Variants in SHKBP1 observed in about 807,000 individuals in gnomAD.
SHKBP1 encodes the protein SH3KBP1-binding protein 1.
Under a neutral mutation model 83.9 loss-of-function variants are expected in SHKBP1, and 71 were observed. The ratio of observed to expected loss-of-function variants is 0.85; its 90% CI spans 0.70 to 1.03. The LOEUF (loss-of-function observed/expected upper bound fraction) is 1.03. Ranked by LOEUF, SHKBP1 falls within the 50% of genes least tolerant of loss-of-function variation. The probability of loss-of-function intolerance (pLI) is 0.00; values close to 1 mark genes in which losing one functional copy is unlikely to be tolerated. For missense variants in SHKBP1, 824 were observed against 982.4 expected, an observed-to-expected ratio of 0.84 and a Z score of 2.16; for synonymous variants, 371 against 398.0, an observed-to-expected ratio of 0.93 and a Z score of 0.81.
At chr19:40,586,641 A>T in intron 12 of SHKBP1, 133 bp from the exon 13 acceptor site, 1 of 887,384 alleles carries the variant, frequency 1.1e-6, no homozygotes, top group Non-Finnish European at 1.6e-6. Flanking sequence ...TGATGGGATT[A>T]CGGCGTGAGC....
chr19:40,577,142 G>A, intron 1 of SHKBP1, 89 bp from the exon 2 acceptor site: 1 of 1,528,560 alleles, frequency 6.5e-7, no homozygotes, highest in East Asian at 2.3e-5. Flanking sequence ...GGAGGGGGAA[G>A]GGGAGGGAAC....
chr19:40,580,745 G>A lies in SHKBP1; in HGVS notation c.654-1G>A. ...TTGGTGATGTCCCCTCGATCCTACA[G>A]GTTGAAGGAAGCCTCTGGCTGGCAG... On this transcript the variant is annotated splice_acceptor_variant, in intron 8 of 17. Transcript: ENST00000291842. LOFTEE classifies it high-confidence loss of function. The A allele has an allele frequency of 6.2e-7, 1 of 1,611,780 alleles. No individual in the cohort carries two copies. The highest frequency in any genetic ancestry group is 8.5e-7 in the Non-Finnish European group (1 of 1,178,390).
intron 9 of SHKBP1, among the ~76,000 whole-genome samples, chr19:40,581,903 C>T (rs866603945): frequency 2.6e-5 from 4 of 151,292 alleles, no homozygotes; most frequent in Non-Finnish European, 5.9e-5. Context: ...TTTATCTTCT[C>T]TAATTCCTGC....
chr19:40,577,545 C>G lies in SHKBP1; in HGVS notation c.187-12C>G, dbSNP rs1219178909. 1.2e-6 allele frequency: 2 copies of G among 1,614,098 alleles called. No homozygotes were observed. Among genetic ancestry groups the G allele is most frequent in the East Asian group, 2.2e-5 (1 of 44,870 alleles). On this transcript the variant is annotated splice_polypyrimidine_tract_variant and intron_variant, in intron 3 of 17. Coordinates refer to ENST00000291842, the MANE Select transcript of SHKBP1 (RefSeq NM_138392.4). ...TTTTACCCCATCCATCCTCTGCCCC[C>G]CTTTCCCGCAGATCTTCATCGACAG...
At chr19:40,587,053 C>T in intron 13 of SHKBP1, 109 bp downstream of exon 13, 3 of 1,060,380 alleles carry the variant, frequency 2.8e-6, no homozygotes, top group Non-Finnish European at 4.1e-6. Flanking sequence ...AGGAAGAGAG[C>T]TCTGGCGGAG....
intron 12 of SHKBP1, chr19:40,585,571 ATCG>A (rs2081305514): frequency 1.6e-5 from 2 of 128,280 alleles, no homozygotes; most frequent in Non-Finnish European, 3.1e-5. Flanking sequence ...GAGACAGAGT[ATCG>A]CTCTGTCATT....
At chr19:40,584,825 G>A (rs930718561) in intron 12 of SHKBP1, among the ~76,000 whole-genome samples, 21 of 152,158 alleles carry the variant, frequency 1.4e-4, no homozygotes, top group African/African-American at 4.6e-4. Context: ...GTTACGCCAC[G>A]TTGGCCAGGC....
Position 40,577,644 on chromosome 19 carries a change from AAG to A in SHKBP1, c.260+15_260+16del. 6.2e-7 allele frequency: 1 copy of A among 1,614,000 alleles called. No homozygotes were observed. The highest frequency in any genetic ancestry group is 8.5e-7 in the Non-Finnish European group (1 of 1,179,918). ...GTTGGATCCCAGGTTGGCATGGAAAAAGGGGAGGGAGTCCCTCACTGTCTTCA... is the reference window on the plus strand; with the variant it reads ...GTTGGATCCCAGGTTGGCATGGAAAAGGGAGGGAGTCCCTCACTGTCTTCA... On this transcript the variant is annotated intron_variant, in intron 4 of 17. Coordinates refer to ENST00000291842, the MANE Select transcript of SHKBP1 (RefSeq NM_138392.4).
rs750514985 is a variant in SHKBP1 at position 40,590,723 on chromosome 19, C to T, written c.1769-7C>T. On this transcript the variant is annotated splice_polypyrimidine_tract_variant and splice_region_variant and intron_variant, in intron 16 of 17. Coordinates refer to ENST00000291842, the MANE Select transcript of SHKBP1 (RefSeq NM_138392.4). The surrounding 1 kb of genome is among the most constrained non-coding windows in gnomAD (Gnocchi z 4.6). ...TTGCCCCCTGACCCTGCTTCCGTGC[C>T]CCCCAGCAGGTGGCCTGACGGAGCA... is the stretch of plus-strand genomic sequence containing the variant. The T allele has an allele frequency of 1.3e-6, 2 of 1,579,072 alleles. No homozygotes were observed. The highest frequency in any genetic ancestry group is 1.7e-4 in the Middle Eastern group (1 of 5,896).
intron 6 of SHKBP1, among the ~76,000 whole-genome samples, chr19:40,579,187 A>C (rs1473415609): frequency 6.6e-6 from 1 of 152,060 alleles, no homozygotes; most frequent in African/African-American, 2.4e-5. Flanking sequence ...ATCTTGGCTC[A>C]CTGCAACCTC....
rs1378317704 is a variant in SHKBP1 at position 40,580,324 on chromosome 19, T to C, written c.401T>C (p.Val134Ala). The C allele has an allele frequency of 6.2e-6, 10 of 1,613,434 alleles. No individual in the cohort carries two copies. Among genetic ancestry groups the C allele is most frequent in the Non-Finnish European group, 8.5e-6 (10 of 1,179,552 alleles). ...VLFNGYLPPPVFPVKRRNRHS... is the reference protein window; with the variant it reads ...VLFNGYLPPPAFPVKRRNRHS... ...ACTCTACCTCTTATTCTCACTGTAG[T>C]GTTCCCAGTGAAGCGGCGGAACCGG... is the stretch of plus-strand genomic sequence containing the variant. Residue 134 changes from valine (V) to alanine (A), a missense_variant and splice_region_variant, in exon 7 of 18, where the codon GTG becomes GCG. Around this residue, in one of 3 missense-constraint regions of SHKBP1, gnomAD observed 355 missense variants for 386.4 expected, o/e 0.92. Coordinates refer to ENST00000291842, the MANE Select transcript of SHKBP1 (RefSeq NM_138392.4).
At chr19:40,581,632 G>A (rs1276887231) in intron 9 of SHKBP1, among the ~76,000 whole-genome samples, 1 of 152,096 alleles carries the variant, frequency 6.6e-6, no homozygotes, top group East Asian at 1.9e-4. Flanking sequence ...GATTGCTTGA[G>A]GCCAGGAGTT....
chr19:40,590,916 G>T lies in SHKBP1; in HGVS notation c.1893-60G>T. 1 of 1,570,540 alleles carries T rather than the reference G, an allele frequency of 6.4e-7. No individual in the cohort carries two copies. The highest frequency in any genetic ancestry group is 8.7e-7 in the Non-Finnish European group (1 of 1,150,096). On this transcript the variant is annotated intron_variant, in intron 17 of 17. Transcript: ENST00000291842. This position sits in a 1 kb window ranked among gnomAD's most constrained non-coding sequence, Gnocchi z 4.6. ...GGAGAGGGGACAGCATGGTGTTCCC[G>T]GGGACAGAGTGGCCCAGCTGCCCCG... is the stretch of plus-strand genomic sequence containing the variant.
intron 10 of SHKBP1, 104 bp from the exon 11 acceptor site, chr19:40,583,293 TG>T: frequency 1.1e-6 from 1 of 874,004 alleles, no homozygotes; most frequent in Non-Finnish European, 1.7e-6. Context: ...GAGCAGTGGG[TG>T]GGTTCTGGAG....
chr19:40,579,246 A>G (rs1159657914), intron 6 of SHKBP1, among the ~76,000 whole-genome samples: 1 of 152,112 alleles, frequency 6.6e-6, no homozygotes, highest in East Asian at 1.9e-4. Flanking sequence ...GCCACTGAGT[A>G]GCTGAGACTA....
rs974824953 is a variant in SHKBP1, at chr19:40,590,814, G to T, written c.1853G>T (p.Gly618Val). Reference protein sequence around the residue: ...APPAPSAPSWGCLPSPSPRIS... With the variant: ...APPAPSAPSWVCLPSPSPRIS... Reference sequence around the variant, plus strand: ...CCGGCTCCTTCAGCTCCCTCATGGGGCTGTCTCCCCAGCCCCTCACCCCGC... The same window carrying T: ...CCGGCTCCTTCAGCTCCCTCATGGGTCTGTCTCCCCAGCCCCTCACCCCGC... Residue 618 changes from glycine to valine, a missense_variant, in exon 17 of 18, where the codon GGC becomes GTC. Gly to Val is a moderately radical substitution (Grantham distance 109, BLOSUM62 -3). This residue lies in a region of SHKBP1 where 287 missense variants were observed against 322.9 expected (regional missense o/e 0.89). Transcript: ENST00000291842. This position sits in a 1 kb window ranked among gnomAD's most constrained non-coding sequence, Gnocchi z 4.6. The T allele has an allele frequency of 6.3e-7, 1 of 1,599,536 alleles. No individual in the cohort carries two copies. The highest frequency in any genetic ancestry group is 1.7e-5 in the Admixed American group (1 of 59,612).
chr19:40,577,093 C>T, intron 1 of SHKBP1, 108 bp downstream of exon 1: 2 of 1,348,302 alleles, frequency 1.5e-6, no homozygotes, highest in Non-Finnish European at 2.1e-6. Flanking sequence ...CTCCGCCCCC[C>T]CCCCCTTTGG....
chr19:40,586,799 C>A lies in SHKBP1; in HGVS notation c.1191C>A (p.Ile397=). The A allele has an allele frequency of 6.3e-7, 1 of 1,597,904 alleles. No homozygotes were observed. The change falls in exon 13 of 18, where the codon ATC becomes ATA. Residue 397 remains isoleucine (I), a synonymous_variant. Coordinates refer to ENST00000291842, the MANE Select transcript of SHKBP1 (RefSeq NM_138392.4). The stretch of plus-strand genomic sequence containing the variant: ...GTGACAGTGGGAACTGGATCGAGAT[C>A]GCCTATGGCACCAGCTCAGGGGGCG... ...KTSDSGNWIE[I]AYGTSSGGVR...
At position 40,577,589 on chromosome 19, in the gene SHKBP1, C is replaced by T. The variant is rs2081228544; in HGVS notation, c.219C>T (p.Ala73=). Residue 73 remains alanine, a synonymous_variant, in exon 4 of 18, where the codon GCC becomes GCT. Transcript: ENST00000291842. ...TCGACAGGGACCCTACAGTCTTCGC[C>T]CCCATCCTCAACTTCCTGCGCACCA... ...IFIDRDPTVF[A]PILNFLRTKE... 3 of 1,613,972 alleles carry T rather than the reference C, an allele frequency of 1.9e-6. No homozygotes were observed. Among genetic ancestry groups the T allele is most frequent in the South Asian group, 1.1e-5 (1 of 91,090 alleles).
Sources: allele counts gnomAD v4.1 joint callset (sites outside exome capture counted in the v4.1 genomes callset), GRCh38; gene constraint gnomAD v4.1.1; regional missense constraint gnomAD v4.1.1; non-coding constraint Gnocchi (gnomAD v3.1); transcripts MANE v1.5; gene names NCBI Gene and HGNC (gene_info 2026-07-23, HGNC 2026-07-21).